ST6GAL2: variants seen among roughly 807,000 people sequenced by gnomAD.
ST6GAL2 encodes the protein beta-galactoside alpha-2,6-sialyltransferase 2.
ST6GAL2 carries 24 observed loss-of-function variants against 37.5 expected under a neutral mutation model. The observed-to-expected ratio is 0.64, with a 90% CI of 0.46 to 0.90. The LOEUF (loss-of-function observed/expected upper bound fraction) is 0.90, where lower values mean the gene tolerates loss of function less well. Ranked by LOEUF, ST6GAL2 falls within the 40% of genes least tolerant of loss-of-function variation. The pLI, the probability that ST6GAL2 is intolerant of heterozygous loss-of-function variation, is 0.00. For missense variants in ST6GAL2, 715 were observed against 712.7 expected, an observed-to-expected ratio of 1.00 and a Z score of -0.04; for synonymous variants, 306 against 295.1, an observed-to-expected ratio of 1.04 and a Z score of -0.38.
intron 1 of ST6GAL2, among the ~76,000 whole-genome samples, chr2:106,866,759 G>C (rs1344929958): frequency 6.6e-6 from 1 of 152,144 alleles, no homozygotes; most frequent in Non-Finnish European, 1.5e-5. Flanking sequence ...GGAAGCTGAA[G>C]GTAGAATGTG....
At chr2:106,825,114 G>A (rs1384632865) in intron 5 of ST6GAL2, 3 of 152,264 alleles carry the variant, frequency 2.0e-5, no homozygotes, top group Admixed American at 1.3e-4. Context: ...AATGATTCGT[G>A]CCTGCTATTC....
In ST6GAL2 at chr2:106,843,487, G is replaced by A. The variant is rs1188693156; in HGVS notation, c.491C>T (p.Pro164Leu). Residue 164 changes from proline to leucine, a missense_variant, in exon 2 of 6, where the codon CCG (proline) becomes CTG (leucine). By Grantham distance (98) the Pro-to-Leu change is moderately conservative. Around this residue, in one of 3 missense-constraint regions of ST6GAL2, gnomAD observed 512 missense variants for 488.8 expected, o/e 1.05. Transcript: ENST00000409382. The stretch of plus-strand genomic sequence containing the variant: ...CCGCCTCCTCTGGACCTGTGCAGCC[G>A]GAAAAGCCCCCTCCCGTGGGCCTGG... ...GEPGPREGAF[P>L]AAQVQRRRVK... The A allele has an allele frequency of 2.5e-6, 4 of 1,614,028 alleles. No homozygotes were observed. Among genetic ancestry groups the A allele is most frequent in the Admixed American group, 3.3e-5 (2 of 60,036 alleles).
In ST6GAL2 at chr2:106,884,761, T is replaced by C. The variant is rs543945834; in HGVS notation, c.-58+1332A>G. ...TTGCCAACAGTTTCTTTTAATGCAT[T>C]AGTACAAAATTCCTCAAGTGGTATA... On this transcript the variant is annotated intron_variant, in intron 1 of 5. Coordinates refer to ENST00000409382, the MANE Select transcript of ST6GAL2 (RefSeq NM_001142351.2). Among the ~76,000 whole-genome samples, 690 of 151,882 alleles carry C rather than the reference T, an allele frequency of 4.5e-3. 4 individuals carry two copies. The highest frequency in any genetic ancestry group is 7.4e-3 in the Non-Finnish European group (506 of 67,954).
In ST6GAL2 at chr2:106,805,637, G is replaced by C. The variant is rs1675390418; in HGVS notation, c.*1041C>G. 1 of 152,206 alleles carries C rather than the reference G, an allele frequency of 6.6e-6. No homozygotes were observed. The allele number at this position is 152,206 out of a possible 1,614,324, so 9.4% of individuals were successfully genotyped here. On this transcript the variant is annotated 3_prime_UTR_variant, in exon 6 of 6. Coordinates refer to ENST00000409382, the MANE Select transcript of ST6GAL2 (RefSeq NM_001142351.2). ...GTGAAGATTCAGTGCTCATCACTGT[G>C]GAGTTCCCACTGGCTGATAAAAACC...
chr2:106,828,172 G>A (rs1676277972), intron 5 of ST6GAL2, among the ~76,000 whole-genome samples: 2 of 152,074 alleles, frequency 1.3e-5, no homozygotes, highest in Non-Finnish European at 2.9e-5. Context: ...TAAACCCCAT[G>A]TTGATAATAA....
Position 106,812,488 on chromosome 2 carries a change from A to C in ST6GAL2, c.1319-5539T>G, listed in dbSNP as rs141300958. The stretch of plus-strand genomic sequence containing the variant: ...ATTCCAGACTCTCGGAAGGAAAGCA[A>C]GTATCCAGCATAAACCACATTTCTT... On this transcript the variant is annotated intron_variant, in intron 5 of 5. Transcript: ENST00000409382. Among the ~76,000 whole-genome samples, 90 of 152,320 alleles carry C rather than the reference A, an allele frequency of 5.9e-4. No homozygotes were observed. The East Asian group carries it at 0.012, about 20-fold the overall frequency.
At position 106,828,410 on chromosome 2, in the gene ST6GAL2, A is replaced by G. The variant is rs1457807662; in HGVS notation, c.1318+1656T>C. ...GATCCTATGAAACCACACAAAAGAT[A>G]AAGAACTTAGGATTTCAAAAGAGTG... is the stretch of plus-strand genomic sequence containing the variant. On this transcript the variant is annotated intron_variant, in intron 5 of 5. Transcript: ENST00000409382. Among the ~76,000 whole-genome samples the G allele has an allele frequency of 4.8e-4, 73 of 152,228 alleles. 1 individual carries two copies. The highest frequency in any genetic ancestry group is 1.9e-3 in the South Asian group (9 of 4,830).
At chr2:106,853,267 C>T (rs774851801) in intron 1 of ST6GAL2, among the ~76,000 whole-genome samples, 3 of 152,198 alleles carry the variant, frequency 2.0e-5, no homozygotes, top group African/African-American at 4.8e-5. Context: ...GCCCCGCCTT[C>T]GTCAGAGATA....
chr2:106,869,505 A>G (rs2104611105), intron 1 of ST6GAL2, among the ~76,000 whole-genome samples: 1 of 152,258 alleles, frequency 6.6e-6, no homozygotes, highest in African/African-American at 2.4e-5. Flanking sequence ...AAATGGGGCA[A>G]AGAGGCTCCA....
At chr2:106,814,795 C>T (rs1675740800) in intron 5 of ST6GAL2, among the ~76,000 whole-genome samples, 1 of 152,194 alleles carries the variant, frequency 6.6e-6, no homozygotes, top group Non-Finnish European at 1.5e-5. Context: ...AGCTACAGGA[C>T]TCCAAGTAAA....
chr2:106,865,043 G>A (rs1368750380), intron 1 of ST6GAL2, among the ~76,000 whole-genome samples: 1 of 152,084 alleles, frequency 6.6e-6, no homozygotes, highest in Non-Finnish European at 1.5e-5. Flanking sequence ...AACGGAACTG[G>A]GATGCGATGT....
At chr2:106,807,358 C>T (rs560692899) in intron 5 of ST6GAL2, among the ~76,000 whole-genome samples, 1 of 152,146 alleles carries the variant, frequency 6.6e-6, no homozygotes, top group African/African-American at 2.4e-5. Flanking sequence ...TCCAAAGAAA[C>T]AAATGCCATA....
At chr2:106,879,425 A>C (rs1678649218) in intron 1 of ST6GAL2, among the ~76,000 whole-genome samples, 1 of 152,142 alleles carries the variant, frequency 6.6e-6, no homozygotes, top group Non-Finnish European at 1.5e-5. Context: ...TCAAATAGTT[A>C]ATGAAATAAC....
intron 5 of ST6GAL2, among the ~76,000 whole-genome samples, chr2:106,812,764 C>T (rs1453215747): frequency 6.6e-6 from 1 of 152,140 alleles, no homozygotes; most frequent in African/African-American, 2.4e-5. Flanking sequence ...TCTGGTTATG[C>T]TAAAAATGTT....
In ST6GAL2 at chr2:106,843,518, C is replaced by A. The variant is rs3796110; in HGVS notation, c.460G>T (p.Gly154Trp). 7 of 1,613,900 alleles carry A rather than the reference C, an allele frequency of 4.3e-6. No individual in the cohort carries two copies. The highest frequency in any genetic ancestry group is 3.3e-4 in the Middle Eastern group (2 of 6,062). ...TQGTLGFPSP[G>W]EPGPREGAFP... ...GCCCCCTCCCGTGGGCCTGGCTCCCCGGGGGAAGGGAATCCCAATGTCCCC... is the reference window on the plus strand; with the variant it reads ...GCCCCCTCCCGTGGGCCTGGCTCCCAGGGGGAAGGGAATCCCAATGTCCCC... Residue 154 changes from glycine to tryptophan, a missense_variant, in exon 2 of 6, where the codon GGG becomes TGG. Physicochemically the swap from Gly to Trp is radical, Grantham distance 184. This residue lies in a region of ST6GAL2 where 512 missense variants were observed against 488.8 expected (regional missense o/e 1.05). Transcript: ENST00000409382.
intron 5 of ST6GAL2, among the ~76,000 whole-genome samples, chr2:106,829,745 T>C (rs188110011): frequency 1.8e-4 from 27 of 152,236 alleles, no homozygotes; most frequent in Non-Finnish European, 3.5e-4. Flanking sequence ...TGGCTCTTAC[T>C]ATACAGGTGG....
Position 106,884,938 on chromosome 2 carries a change from T to TATATATATATATATAC in ST6GAL2, c.-58+1154_-58+1155insGTATATATATATATAT, listed in dbSNP as rs1426798721. On this transcript the variant is annotated intron_variant, in intron 1 of 5. Coordinates refer to ENST00000409382, the MANE Select transcript of ST6GAL2 (RefSeq NM_001142351.2). ...ATATATATATATATATATATATACATACACACACACACATATATACATATG... is the reference window on the plus strand; with the variant it reads ...ATATATATATATATATATATATACATATATATATATATATACACACACACACACATATATACATATG... 6.5e-5 allele frequency among the ~76,000 whole-genome samples: 8 copies of TATATATATATATATAC among 123,736 alleles called. No individual in the cohort carries two copies. The South Asian group carries it at 1.5e-3, about 23-fold the overall frequency. The allele number at this position is 123,736 out of a possible 152,430, so 81.2% of individuals were successfully genotyped here.
At chr2:106,877,542 T>C (rs1405423055) in intron 1 of ST6GAL2, among the ~76,000 whole-genome samples, 2 of 152,238 alleles carry the variant, frequency 1.3e-5, no homozygotes, top group African/African-American at 4.8e-5. Flanking sequence ...GCCTGTGACT[T>C]AGTCTCTATT....
At chr2:106,865,426 G>A (rs1051260548) in intron 1 of ST6GAL2, among the ~76,000 whole-genome samples, 1 of 152,178 alleles carries the variant, frequency 6.6e-6, no homozygotes, top group Non-Finnish European at 1.5e-5. Context: ...ATGTGTCTAC[G>A]TGATACTGAC....
Sources: allele counts gnomAD v4.1 joint callset (sites outside exome capture counted in the v4.1 genomes callset), GRCh38; gene constraint gnomAD v4.1.1; regional missense constraint gnomAD v4.1.1; transcripts MANE v1.5; gene names NCBI Gene and HGNC (gene_info 2026-07-23, HGNC 2026-07-21).